Variants in SCLY observed in about 807,000 individuals in gnomAD.
SCLY encodes selenocysteine lyase.
A neutral mutation model predicts 50.1 loss-of-function variants in SCLY; 38 were observed. The ratio of observed to expected loss-of-function variants is 0.76; its 90% CI spans 0.59 to 0.99. The LOEUF (loss-of-function observed/expected upper bound fraction) is 0.99, where lower values mean the gene tolerates loss of function less well. Ranked by LOEUF, SCLY falls within the 50% of genes least tolerant of loss-of-function variation. SCLY has a pLI of 0.00. For missense variants in SCLY, 600 were observed against 620.0 expected, an observed-to-expected ratio of 0.97 and a Z score of 0.34; for synonymous variants, 243 against 249.4, an observed-to-expected ratio of 0.97 and a Z score of 0.24.
chr2:238,076,958 G>A (rs1235282940), intron 4 of SCLY, among the ~76,000 whole-genome samples: 1 of 152,118 alleles, frequency 6.6e-6, no homozygotes, highest in Admixed American at 6.5e-5. Flanking sequence ...GGAGTGTCTT[G>A]TAGATGTCTG....
In SCLY at chr2:238,082,043, A is replaced by G; in HGVS notation, c.613-2A>G. 1 of 1,611,560 alleles carries G rather than the reference A, an allele frequency of 6.2e-7. No homozygotes were observed. ...TACTCAACTGTTTCCTTTCCCCGTC[A>G]GCCTGTCCCTGAAATCAGTCAGCGC... On this transcript the variant is annotated splice_acceptor_variant, in intron 5 of 11. Transcript: ENST00000254663. LOFTEE classifies it high-confidence loss of function.
Position 238,064,375 on chromosome 2 carries a change from T to C in SCLY, c.108T>C (p.Tyr36=). 1.2e-6 allele frequency: 2 copies of C among 1,608,212 alleles called. No homozygotes were observed. The highest frequency in any genetic ancestry group is 1.7e-6 in the Non-Finnish European group (2 of 1,177,724). Residue 36 remains tyrosine, a synonymous_variant, in exon 2 of 12, where the codon TAT becomes TAC. Coordinates refer to ENST00000254663, the MANE Select transcript of SCLY (RefSeq NM_016510.7). The part of the protein sequence containing the change: ...NSPERKVYMD[Y]NATTPLEPEV... ...CCTTCAGGAAAGTTTATATGGACTA[T>C]AATGCAACGACTCCCCTGGAGCCAG...
intron 4 of SCLY, among the ~76,000 whole-genome samples, chr2:238,076,573 T>C (rs2065176385): frequency 6.6e-6 from 1 of 152,086 alleles, no homozygotes; most frequent in Non-Finnish European, 1.5e-5. Flanking sequence ...TGTATTGTTC[T>C]GCGGAAGGCC....
At chr2:238,087,907 C>T (rs1559249522) in intron 7 of SCLY, among the ~76,000 whole-genome samples, 1 of 151,860 alleles carries the variant, frequency 6.6e-6, no homozygotes, top group East Asian at 1.9e-4. Context: ...CCAGGCTGGG[C>T]ACCATAGTGA....
At chr2:238,065,660 T>TTTTTTTTATTATTATTATTA (rs71402758) in intron 2 of SCLY, among the ~76,000 whole-genome samples, 1 of 143,514 alleles carries the variant, frequency 7.0e-6, no homozygotes, top group African/African-American at 2.6e-5. Context: ...AATATTTTAT[T>TTTTTTTTATTATTATTATTA]TTATTATTAT....
intron 11 of SCLY, 99 bp from the exon 12 acceptor site, chr2:238,098,103 T>C (rs2065458658): frequency 7.1e-7 from 1 of 1,407,214 alleles, no homozygotes; most frequent in Non-Finnish European, 9.6e-7. Context: ...CACATCCGGG[T>C]GGGCAGAGCC....
chr2:238,061,051 G>A lies in SCLY; in HGVS notation c.-4G>A. On this transcript the variant is annotated 5_prime_UTR_variant, in exon 1 of 12. Transcript: ENST00000254663. ...GCTGGATGCCCGGCAGCAGTGGGGCGGGGATGGAGGCGGCCGTGGCGCCGG... is the reference window on the plus strand; with the variant it reads ...GCTGGATGCCCGGCAGCAGTGGGGCAGGGATGGAGGCGGCCGTGGCGCCGG... 7.2e-7 allele frequency: 1 copy of A among 1,382,594 alleles called. No homozygotes were observed. The allele number at this position is 1,382,594 out of a possible 1,614,324, so 85.6% of individuals were successfully genotyped here.
Position 238,061,011 on chromosome 2 carries a change from C to G in SCLY, c.-44C>G. ...TCCCCGGCGCTCTGGGCCCGTAGCG[C>G]TCCGCGGGAAGGAGGCTGGATGCCC... On this transcript the variant is annotated 5_prime_UTR_variant, in exon 1 of 12. Transcript: ENST00000254663. 7.5e-7 allele frequency: 1 copy of G among 1,336,420 alleles called. No individual in the cohort carries two copies. The highest frequency in any genetic ancestry group is 9.6e-7 in the Non-Finnish European group (1 of 1,043,500). 82.8% of individuals were successfully genotyped at this position (1,336,420 alleles called of 1,614,324 possible).
rs1217581561 is a variant in SCLY at position 238,063,253 on chromosome 2, GTTGT to G, written c.90-1101_90-1098del. 2.2e-5 allele frequency among the ~76,000 whole-genome samples: 3 copies of G among 134,966 alleles called. 1 individual carries two copies. The highest frequency in any genetic ancestry group is 4.6e-4 in the South Asian group (2 of 4,366). The allele number at this position is 134,966 out of a possible 152,430, so 88.5% of individuals were successfully genotyped here. ...GTTTTGTGGGTTTGTTTTTTTTGTT[GTTGT>G]TTTTTTTTTTTTTGAGACGGACTCT... On this transcript the variant is annotated intron_variant, in intron 1 of 11. Coordinates refer to ENST00000254663, the MANE Select transcript of SCLY (RefSeq NM_016510.7).
chr2:238,098,136 CA>C lies in SCLY; in HGVS notation c.1185-65del. On this transcript the variant is annotated intron_variant, in intron 11 of 11. Transcript: ENST00000254663. ...GCCCCACTAGGGGAGTGGTCCAGAG[CA>C]GGGGGGGCTGTGTCTCTTCCATGTG... The C allele has an allele frequency of 5.1e-6, 8 of 1,562,806 alleles. 1 individual carries two copies. Among genetic ancestry groups the C allele is most frequent in the African/African-American group, 2.7e-5 (2 of 74,360 alleles).
Position 238,098,639 on chromosome 2 carries a change from GC to G in SCLY, c.*287del, listed in dbSNP as rs1691340991. 1 of 415,770 alleles carries G rather than the reference GC, an allele frequency of 2.4e-6. No homozygotes were observed. Among genetic ancestry groups the G allele is most frequent in the Non-Finnish European group, 4.3e-6 (1 of 229,910 alleles). The allele number at this position is 415,770 out of a possible 1,614,324, so 25.8% of individuals were successfully genotyped here. A position where few individuals can be genotyped will look rare whatever the true frequency, so the allele number is the denominator to read the frequency against. On this transcript the variant is annotated 3_prime_UTR_variant, in exon 12 of 12. Transcript: ENST00000254663. ...CACATGGGACCGCCCACATGGGACC[GC>G]CCACATGGGACCGCCCACATAGAAC... is the stretch of plus-strand genomic sequence containing the variant.
At position 238,066,978 on chromosome 2, in the gene SCLY, G is replaced by A. The variant is rs2065076523; in HGVS notation, c.203-1087G>A. Among the ~76,000 whole-genome samples the A allele has an allele frequency of 6.6e-6, 1 of 152,096 alleles. No individual in the cohort carries two copies. The highest frequency in any genetic ancestry group is 1.5e-5 in the Non-Finnish European group (1 of 68,016). ...TTTCATGAGACTGATTCACTATCAC[G>A]AGACTAGCATGGGAAAGACCTGCCG... On this transcript the variant is annotated intron_variant, in intron 2 of 11. Transcript: ENST00000254663. The surrounding 1 kb of genome is among the most constrained non-coding windows in gnomAD (Gnocchi z 4.1).
At chr2:238,096,712 G>A (rs2065440140) in intron 10 of SCLY, 89 bp from the exon 11 acceptor site, 13 of 1,398,032 alleles carry the variant, frequency 9.3e-6, no homozygotes, top group African/African-American at 1.4e-5. Flanking sequence ...AGGGAGGGAA[G>A]CAGCCTGCGC....
At chr2:238,082,738 G>T (rs2065251135) in intron 6 of SCLY, 1 of 180,490 alleles carries the variant, frequency 5.5e-6, no homozygotes, top group Admixed American at 5.4e-5. Flanking sequence ...CAGGGCCCGA[G>T]ATATTTTTAG....
intron 8 of SCLY, chr2:238,091,520 C>CTTT: frequency 2.2e-6 from 1 of 447,170 alleles, no homozygotes. Context: ...ACTGTTACAG[C>CTTT]AGAGGTGAAG....
At position 238,098,635 on chromosome 2, in the gene SCLY, G is replaced by GACCGCCCACATGGGAACGCCCACATAGA. The variant is rs1559254812; in HGVS notation, c.*295_*296insACGCCCACATAGAACCGCCCACATGGGA. ...CGCCCACATGGGACCGCCCACATGG[G>GACCGCCCACATGGGAACGCCCACATAGA]ACCGCCCACATGGGACCGCCCACAT... On this transcript the variant is annotated 3_prime_UTR_variant, in exon 12 of 12. Transcript: ENST00000254663. The GACCGCCCACATGGGAACGCCCACATAGA allele has an allele frequency of 1.1e-5, 3 of 276,932 alleles. No individual in the cohort carries two copies. Among genetic ancestry groups the GACCGCCCACATGGGAACGCCCACATAGA allele is most frequent in the African/African-American group, 4.3e-5 (1 of 23,282 alleles). The allele number at this position is 276,932 out of a possible 1,614,324, so 17.2% of individuals were successfully genotyped here.
In SCLY at chr2:238,069,243, G is replaced by A; in HGVS notation, c.304-54G>A. The A allele has an allele frequency of 6.5e-7, 1 of 1,535,774 alleles. No homozygotes were observed. Among genetic ancestry groups the A allele is most frequent in the Non-Finnish European group, 8.9e-7 (1 of 1,126,758 alleles). ...ATTAAGTAACAGAAATTGTTGCTCT[G>A]ACCCTTACCTCAGCACAGTTTTTGT... On this transcript the variant is annotated intron_variant, in intron 3 of 11. Coordinates refer to ENST00000254663, the MANE Select transcript of SCLY (RefSeq NM_016510.7). The surrounding 1 kb of genome is among the most constrained non-coding windows in gnomAD (Gnocchi z 5.0).
chr2:238,061,618 A>G (rs549380567), intron 1 of SCLY, among the ~76,000 whole-genome samples: 2 of 152,170 alleles, frequency 1.3e-5, no homozygotes, highest in Non-Finnish European at 2.9e-5. Flanking sequence ...GCGGGTAGGC[A>G]TGGGACGAGA....
intron 4 of SCLY, chr2:238,078,693 CT>C (rs1161655873): frequency 0.028 from 3,937 of 140,382 alleles, 42 homozygotes; most frequent in Middle Eastern, 0.066. Flanking sequence ...TTACAAATAT[CT>C]TTTTTTTTTT....
Sources: gnomAD v4.1 joint callset for allele counts (sites outside exome capture counted in the v4.1 genomes callset) on GRCh38, gnomAD v4.1.1 for gene constraint, Gnocchi (gnomAD v3.1) non-coding constraint, MANE v1.5 for transcripts, NCBI Gene and HGNC (gene_info 2026-07-23, HGNC 2026-07-21) for gene names.